Variants in ITGA11 observed in about 807,000 individuals in gnomAD.
The protein encoded by ITGA11 is integrin alpha-11.
Under a neutral mutation model 141.9 loss-of-function variants are expected in ITGA11, and 97 were observed. The ratio of observed to expected loss-of-function variants is 0.68; its 90% CI spans 0.58 to 0.81. The LOEUF is 0.81. Ranked by LOEUF, ITGA11 falls within the 30% of genes least tolerant of loss-of-function variation. ITGA11 has a pLI of 0.00. For missense variants in ITGA11, 1,387 were observed against 1,559.2 expected, an observed-to-expected ratio of 0.89 and a Z score of 1.86; for synonymous variants, 658 against 624.6, an observed-to-expected ratio of 1.05 and a Z score of -0.80.
At chr15:68,411,772 T>C (rs1387309116) in intron 1 of ITGA11, among the ~76,000 whole-genome samples, 1 of 152,238 alleles carries the variant, frequency 6.6e-6, no homozygotes, top group East Asian at 1.9e-4. Context: ...GACTTTGGGC[T>C]AGGCCATCTG....
intron 2 of ITGA11, among the ~76,000 whole-genome samples, chr15:68,371,290 T>C (rs1465580184): frequency 1.3e-5 from 2 of 152,090 alleles, no homozygotes; most frequent in Non-Finnish European, 2.9e-5. Context: ...TGCTCCAGTT[T>C]TCAAGGTTAA....
chr15:68,430,894 G>A (rs1077731), intron 1 of ITGA11, among the ~76,000 whole-genome samples: 61,692 of 152,176 alleles, frequency 0.41, 13,833 homozygotes, highest in East Asian at 0.6. Flanking sequence ...CCCGGGGACT[G>A]GGGCAAGCGG....
At chr15:68,313,010 T>G in intron 23 of ITGA11, 147 bp from the exon 24 acceptor site, 1 of 615,796 alleles carries the variant, frequency 1.6e-6, no homozygotes, top group Non-Finnish European at 2.9e-6. Context: ...GTGAGTGTCA[T>G]GTTGGAAGGA....
At chr15:68,431,955 G>T in intron 1 of ITGA11, 60 bp downstream of exon 1, 1 of 1,172,322 alleles carries the variant, frequency 8.5e-7, no homozygotes, top group Non-Finnish European at 1.1e-6. Flanking sequence ...CTGGATCCAA[G>T]CCCCGAGGGC....
intron 1 of ITGA11, among the ~76,000 whole-genome samples, chr15:68,421,218 AG>A (rs1372554112): frequency 6.7e-4 from 6 of 8,968 alleles, no homozygotes; most frequent in East Asian, 2.6e-3. Flanking sequence ...TGGATACAGC[AG>A]CCTGCAGGAA....
intron 7 of ITGA11, among the ~76,000 whole-genome samples, chr15:68,352,379 G>A (rs933241434): frequency 7.2e-5 from 11 of 152,000 alleles, no homozygotes; most frequent in Admixed American, 7.2e-4. Context: ...TTTTAATAGA[G>A]ACGGGGTTTT....
intron 2 of ITGA11, among the ~76,000 whole-genome samples, chr15:68,397,751 T>A (rs1231772312): frequency 3.4e-5 from 1 of 29,000 alleles, no homozygotes; most frequent in African/African-American, 1.4e-4. Context: ...ATTTAAAATA[T>A]TATATTTAAA....
intron 2 of ITGA11, among the ~76,000 whole-genome samples, chr15:68,395,568 G>A (rs904068451): frequency 5.4e-5 from 8 of 148,686 alleles, no homozygotes; most frequent in African/African-American, 1.2e-4. Context: ...AAGTGTATCA[G>A]TGATTGAAGA....
chr15:68,378,454 G>A (rs934326704), intron 2 of ITGA11, among the ~76,000 whole-genome samples: 3 of 152,018 alleles, frequency 2.0e-5, no homozygotes, highest in Non-Finnish European at 4.4e-5. Context: ...AGAGCAGCCT[G>A]GGCAACATAG....
chr15:68,364,689 G>T lies in ITGA11; in HGVS notation c.357+18C>A. 1 of 1,213,636 alleles carries T rather than the reference G, an allele frequency of 8.2e-7. No homozygotes were observed. Among genetic ancestry groups the T allele is most frequent in the Non-Finnish European group, 1.2e-6 (1 of 861,480 alleles). 75.2% of individuals were successfully genotyped at this position (1,213,636 alleles called of 1,614,324 possible). Reference sequence around the variant, plus strand: ...CCCCTGCCTCTCCTGACCCCAAGCAGTGGCAGGTGGCTCTTACCAGGAAGC... The same window carrying T: ...CCCCTGCCTCTCCTGACCCCAAGCATTGGCAGGTGGCTCTTACCAGGAAGC... On this transcript the variant is annotated intron_variant, in intron 4 of 29. Transcript: ENST00000315757.
In ITGA11 at chr15:68,333,806, CT is replaced by C. The variant is rs1342480790; in HGVS notation, c.1426-1329del. Among the ~76,000 whole-genome samples the C allele has an allele frequency of 6.6e-6, 1 of 152,208 alleles. No individual in the cohort carries two copies. The highest frequency in any genetic ancestry group is 1.5e-5 in the Non-Finnish European group (1 of 68,028). On this transcript the variant is annotated intron_variant, in intron 12 of 29. Coordinates refer to ENST00000315757, the MANE Select transcript of ITGA11 (RefSeq NM_001004439.2). This position sits in a 1 kb window ranked among gnomAD's most constrained non-coding sequence, Gnocchi z 4.2. Reference sequence around the variant, plus strand: ...GCAGGACCGTGCTGGACCAGCCTCCCTCCCCAGCCTCTGTCCCCACAAGCTC... The same window carrying C: ...GCAGGACCGTGCTGGACCAGCCTCCCCCCCAGCCTCTGTCCCCACAAGCTC...
chr15:68,390,756 C>T (rs1301787938), intron 2 of ITGA11, among the ~76,000 whole-genome samples: 1 of 152,226 alleles, frequency 6.6e-6, no homozygotes, highest in Admixed American at 6.5e-5. Flanking sequence ...ATTCTTTGAT[C>T]CTGCCTAGCT....
chr15:68,357,201 C>T lies in ITGA11; in HGVS notation c.699G>A (p.Glu233=), dbSNP rs184199698. The T allele has an allele frequency of 1.2e-5, 19 of 1,613,932 alleles. No individual in the cohort carries two copies. The East Asian group carries it at 3.8e-4, about 32-fold the overall frequency. ...KDVVEAASHI[E]QRGGTETRTA... ...TCCGGGTCTCTGTTCCTCCTCTCTG[C>T]TCAATGTGGCTGGCAGCTTCCACCA... Residue 233 remains glutamate, a synonymous_variant, in exon 7 of 30, where the codon GAG becomes GAA. Transcript: ENST00000315757.
chr15:68,431,513 C>A (rs930346319), intron 1 of ITGA11, among the ~76,000 whole-genome samples: 2 of 152,196 alleles, frequency 1.3e-5, no homozygotes, highest in South Asian at 2.1e-4. Flanking sequence ...GCAGCCCTCA[C>A]CCCCACCCTT....
chr15:68,343,032 T>A (rs1330512952), intron 10 of ITGA11, among the ~76,000 whole-genome samples: 1 of 128,270 alleles, frequency 7.8e-6, no homozygotes, highest in East Asian at 2.5e-4. Flanking sequence ...TCTCTCTCTC[T>A]CTCTCTCTGA....
Position 68,307,517 on chromosome 15 carries a change from G to A in ITGA11, c.3285+69C>T, listed in dbSNP as rs1310714251. 3 of 1,512,610 alleles carry A rather than the reference G, an allele frequency of 2.0e-6. No homozygotes were observed. Among genetic ancestry groups the A allele is most frequent in the Non-Finnish European group, 2.7e-6 (3 of 1,107,504 alleles). The allele number at this position is 1,512,610 out of a possible 1,614,324, so 93.7% of individuals were successfully genotyped here. A position where few individuals can be genotyped will look rare whatever the true frequency, so the allele number is the denominator to read the frequency against. On this transcript the variant is annotated intron_variant, in intron 27 of 29. Transcript: ENST00000315757. This position sits in a 1 kb window ranked among gnomAD's most constrained non-coding sequence, Gnocchi z 6.1. Reference sequence around the variant, plus strand: ...CCGTCCCCTCCCCAGGCAGCCCCAGGTGGAAGACATCCCAACAGCCGCCCC... The same window carrying A: ...CCGTCCCCTCCCCAGGCAGCCCCAGATGGAAGACATCCCAACAGCCGCCCC...
At chr15:68,367,522 T>C (rs964649655) in intron 3 of ITGA11, among the ~76,000 whole-genome samples, 4 of 152,120 alleles carry the variant, frequency 2.6e-5, no homozygotes, top group Non-Finnish European at 5.9e-5. Context: ...CCTTCTATGG[T>C]AGAAATCCCT....
intron 19 of ITGA11, among the ~76,000 whole-genome samples, chr15:68,320,923 A>G (rs1893784452): frequency 6.6e-6 from 1 of 152,150 alleles, no homozygotes; most frequent in African/African-American, 2.4e-5. Context: ...AGAATATGAT[A>G]TTGTTCATTA....
chr15:68,415,878 C>G lies in ITGA11; in HGVS notation c.53-12849G>C, dbSNP rs530282193. Among the ~76,000 whole-genome samples the G allele has an allele frequency of 7.6e-4, 115 of 152,288 alleles. No individual in the cohort carries two copies. In the South Asian group the frequency reaches 0.023, roughly 30 times the overall value. On this transcript the variant is annotated intron_variant, in intron 1 of 29. Transcript: ENST00000315757. ...AGAGTGAAGCAGGTGCTGCCTGCCA[C>G]CAGGGGTGAGCTTATCAGATGAACT...
Sources: gnomAD v4.1 joint callset for allele counts (sites outside exome capture counted in the v4.1 genomes callset) on GRCh38, gnomAD v4.1.1 for gene constraint, Gnocchi (gnomAD v3.1) non-coding constraint, MANE v1.5 for transcripts, NCBI Gene and HGNC (gene_info 2026-07-23, HGNC 2026-07-21) for gene names.